DYM: variants seen among roughly 807,000 people sequenced by gnomAD.
The protein encoded by DYM is dyggve-Melchior-Clausen syndrome protein.
DYM carries 78 observed loss-of-function variants against 93.1 expected under a neutral mutation model. That is an observed-to-expected ratio of 0.84 (90% CI 0.70 to 1.01). DYM has a LOEUF of 1.01. Among genes scored for constraint, DYM ranks in the 50% least tolerant of loss-of-function variants. The pLI is 0.00. For missense variants in DYM, 789 were observed against 845.0 expected (o/e 0.93, Z 0.82); for synonymous variants, 321 against 319.7 (o/e 1.00, Z -0.04).
At chr18:49,266,048 T>C (rs566668123) in intron 11 of DYM, among the ~76,000 whole-genome samples, 18 of 151,894 alleles carry the variant, frequency 1.2e-4, no homozygotes, top group Non-Finnish European at 2.1e-4. Context: ...TAATCCCAGC[T>C]ACTTGGGAGG....
chr18:49,422,518 A>C (rs1341873821), intron 2 of DYM, among the ~76,000 whole-genome samples: 1 of 152,328 alleles, frequency 6.6e-6, no homozygotes, highest in African/African-American at 2.4e-5. Context: ...CTAACATCAT[A>C]ATGACAGGAT....
intron 5 of DYM, among the ~76,000 whole-genome samples, chr18:49,370,151 G>A (rs2879001): frequency 0.043 from 6,516 of 152,014 alleles, 479 homozygotes; most frequent in African/African-American, 0.15. Context: ...GGTGGCCCAC[G>A]CCTGTAATCC....
At chr18:49,209,503 CAT>C (rs879731600) in intron 14 of DYM, 46 bp downstream of exon 14, 18 of 1,220,506 alleles carry the variant, frequency 1.5e-5, no homozygotes, top group Non-Finnish European at 1.9e-5. Flanking sequence ...AATTGTCAGT[CAT>C]ATACAACATG....
chr18:49,137,049 A>G (rs775350568), intron 15 of DYM, among the ~76,000 whole-genome samples: 5 of 152,384 alleles, frequency 3.3e-5, no homozygotes, highest in Non-Finnish European at 7.3e-5. Context: ...TAGTGACAGT[A>G]CAGAATGAAG....
At chr18:49,128,730 G>T (rs2083080669) in intron 15 of DYM, among the ~76,000 whole-genome samples, 1 of 152,090 alleles carries the variant, frequency 6.6e-6, no homozygotes, top group South Asian at 2.1e-4. Flanking sequence ...AATTAAAATA[G>T]AAACGTATTC....
chr18:49,210,217 A>G (rs1224205770), intron 13 of DYM, among the ~76,000 whole-genome samples: 4 of 152,252 alleles, frequency 2.6e-5, no homozygotes, highest in Admixed American at 6.5e-5. Flanking sequence ...GAATTTATCC[A>G]AAAGAGTTGA....
chr18:49,208,865 G>A (rs545942156), intron 14 of DYM: 2 of 152,000 alleles, frequency 1.3e-5, no homozygotes, highest in African/African-American at 4.8e-5. Flanking sequence ...AAGTGGTAAT[G>A]TCATACTGCC....
At chr18:49,218,202 T>A (rs1453005519) in intron 13 of DYM, among the ~76,000 whole-genome samples, 4 of 152,146 alleles carry the variant, frequency 2.6e-5, no homozygotes, top group Admixed American at 2.6e-4. Context: ...CAAGAAGAGC[T>A]AACTATCCTA....
intron 11 of DYM, among the ~76,000 whole-genome samples, chr18:49,261,206 A>G (rs961125862): frequency 1.3e-5 from 2 of 152,166 alleles, no homozygotes; most frequent in African/African-American, 2.4e-5. Flanking sequence ...AAGTATATAC[A>G]GGTGGCTTCC....
chr18:49,080,300 T>C (rs1363501123), intron 17 of DYM, among the ~76,000 whole-genome samples: 2 of 121,280 alleles, frequency 1.6e-5, no homozygotes, highest in African/African-American at 3.2e-5. Context: ...GAGGCGCCCC[T>C]CACCTCCCGG....
intron 17 of DYM, among the ~76,000 whole-genome samples, chr18:49,087,476 G>C (rs2078649330): frequency 3.3e-5 from 5 of 152,166 alleles, no homozygotes; most frequent in Admixed American, 2.6e-4. Flanking sequence ...AATAATGTAA[G>C]ACATTATAAT....
intron 2 of DYM, among the ~76,000 whole-genome samples, chr18:49,428,998 C>A (rs896324249): frequency 6.6e-6 from 1 of 152,200 alleles, no homozygotes; most frequent in Admixed American, 6.6e-5. Flanking sequence ...ACTCAATGAG[C>A]TAAGATCAGG....
chr18:49,286,730 G>A, intron 8 of DYM, 114 bp from the exon 9 acceptor site: 1 of 1,054,698 alleles, frequency 9.5e-7, no homozygotes, highest in Non-Finnish European at 1.4e-6. Context: ...CCAAAGTGTA[G>A]AACAAGAATC....
intron 1 of DYM, among the ~76,000 whole-genome samples, chr18:49,439,361 AT>A (rs1011692380): frequency 7.2e-5 from 11 of 152,136 alleles, no homozygotes; most frequent in African/African-American, 2.7e-4. Flanking sequence ...TGCAAAACTG[AT>A]TCTATCATTC....
At chr18:49,362,372 C>T (rs926171974) in intron 6 of DYM, among the ~76,000 whole-genome samples, 1 of 152,050 alleles carries the variant, frequency 6.6e-6, no homozygotes, top group East Asian at 1.9e-4. Flanking sequence ...ATGAACATTT[C>T]GAATCACAAA....
chr18:49,237,323 G>T (rs936058486), intron 13 of DYM, among the ~76,000 whole-genome samples: 2 of 152,256 alleles, frequency 1.3e-5, no homozygotes, highest in Admixed American at 1.3e-4. Context: ...TATGGCATTA[G>T]CAATATTCAC....
intron 17 of DYM, among the ~76,000 whole-genome samples, chr18:49,046,621 C>A (rs1052631171): frequency 1.3e-5 from 2 of 152,124 alleles, no homozygotes; most frequent in Non-Finnish European, 2.9e-5. Context: ...GCATCTGGAC[C>A]AGGTATAGTA....
chr18:49,292,608 A>AAAAAACAAAAC (rs1568188865), intron 8 of DYM, among the ~76,000 whole-genome samples: 886 of 83,888 alleles, frequency 0.011, 30 homozygotes, highest in African/African-American at 0.056. Context: ...AAAAAAAAAA[A>AAAAAACAAAAC]AAAAAAAAAA....
rs1355145802 is a variant in DYM, at chr18:49,037,236, C to T, written c.*6819G>A. ...ATAACCAACTTTTGACTTTGATTCC[C>T]TTTATTGTATATTTGTGTTCTATAT... On this transcript the variant is annotated 3_prime_UTR_variant, in exon 18 of 18. Coordinates refer to ENST00000675505, the MANE Select transcript of DYM (RefSeq NM_001353214.3). 6.6e-6 allele frequency among the ~76,000 whole-genome samples: 1 copy of T among 152,040 alleles called. No homozygotes were observed. Among genetic ancestry groups the T allele is most frequent in the Non-Finnish European group, 1.5e-5 (1 of 68,006 alleles).
Sources: allele counts gnomAD v4.1 joint callset (sites outside exome capture counted in the v4.1 genomes callset), GRCh38; gene constraint gnomAD v4.1.1; transcripts MANE v1.5; gene names NCBI Gene and HGNC (gene_info 2026-07-23, HGNC 2026-07-21).